Variants in SRBD1 observed in about 807,000 individuals in gnomAD.
SRBD1 encodes S1 RNA binding domain 1.
Under a neutral mutation model 115.3 loss-of-function variants are expected in SRBD1, and 88 were observed. That is an observed-to-expected ratio of 0.76 (90% CI 0.64 to 0.91). The LOEUF is 0.91. Ranked by LOEUF, SRBD1 falls within the 40% of genes least tolerant of loss-of-function variation. The probability of loss-of-function intolerance (pLI) is 0.00; values close to 1 mark genes in which losing one functional copy is unlikely to be tolerated. For missense variants in SRBD1, 1,385 were observed against 1,177.4 expected (o/e 1.18, Z -2.58); for synonymous variants, 509 against 407.7 (o/e 1.25, Z -2.99).
At chr2:45,539,605 A>G (rs1009614989) in intron 14 of SRBD1, among the ~76,000 whole-genome samples, 3 of 152,222 alleles carry the variant, frequency 2.0e-5, no homozygotes, top group Non-Finnish European at 2.9e-5. Flanking sequence ...ATATGGAACT[A>G]TAAGCCATCT....
intron 15 of SRBD1, among the ~76,000 whole-genome samples, chr2:45,477,926 T>G (rs907753676): frequency 6.6e-6 from 1 of 151,980 alleles, no homozygotes; most frequent in Admixed American, 6.6e-5. Flanking sequence ...AAACATTCCT[T>G]TAACTGTGTC....
intron 19 of SRBD1, among the ~76,000 whole-genome samples, chr2:45,396,986 C>G (rs150490666): frequency 1.3e-5 from 2 of 152,234 alleles, no homozygotes; most frequent in Non-Finnish European, 2.9e-5. Context: ...CAAAGTACAT[C>G]TAATAGTCTA....
intron 16 of SRBD1, among the ~76,000 whole-genome samples, chr2:45,449,719 T>C (rs967785767): frequency 2.0e-5 from 3 of 152,222 alleles, no homozygotes; most frequent in Admixed American, 1.3e-4. Flanking sequence ...TCAGAGGGCA[T>C]ACTGTGTAGC....
At chr2:45,485,577 G>C (rs1013833722) in intron 15 of SRBD1, among the ~76,000 whole-genome samples, 1 of 152,156 alleles carries the variant, frequency 6.6e-6, no homozygotes, top group Non-Finnish European at 1.5e-5. Context: ...ACCATGCATT[G>C]TGGGGGAATA....
intron 14 of SRBD1, among the ~76,000 whole-genome samples, chr2:45,505,313 C>G (rs1670764951): frequency 1.3e-5 from 2 of 152,178 alleles, no homozygotes; most frequent in South Asian, 4.1e-4. Context: ...GTGGTCATGT[C>G]AGAGCCACAA....
chr2:45,463,989 A>G (rs1010882007), intron 16 of SRBD1, among the ~76,000 whole-genome samples: 15 of 152,308 alleles, frequency 9.8e-5, no homozygotes, highest in African/African-American at 3.6e-4. Flanking sequence ...TTGGATAAAG[A>G]TATTACACTT....
rs182891429 is a variant in SRBD1 at position 45,528,584 on chromosome 2, T to C, written c.1874+18148A>G. Among the ~76,000 whole-genome samples, 10 of 151,996 alleles carry C rather than the reference T, an allele frequency of 6.6e-5. No individual in the cohort carries two copies. In the East Asian group the frequency reaches 1.9e-3, roughly 29 times the overall value. On this transcript the variant is annotated intron_variant, in intron 14 of 20. Transcript: ENST00000263736. ...GGTACCAGAGGGGTACTCTAGAGAC[T>C]AGCATAAGCCACTGAATCTGAGTCC... is the stretch of plus-strand genomic sequence containing the variant.
intron 14 of SRBD1, among the ~76,000 whole-genome samples, chr2:45,492,430 G>GT (rs1467982640): frequency 2.0e-5 from 3 of 151,860 alleles, no homozygotes; most frequent in Non-Finnish European, 4.4e-5. Context: ...GAAAAACTAG[G>GT]TTTTTTCTGT....
chr2:45,590,883 G>C (rs922884665), intron 4 of SRBD1, among the ~76,000 whole-genome samples: 1 of 152,132 alleles, frequency 6.6e-6, no homozygotes, highest in Non-Finnish European at 1.5e-5. Context: ...TGGGCATGGT[G>C]GTATGCGCCT....
chr2:45,531,640 AAAT>A lies in SRBD1; in HGVS notation c.1874+15089_1874+15091del, dbSNP rs540055426. ...TTTTCTTAAGTTGGGAGAAACAGCC[AAAT>A]AATATTTATGAAACAAAGAAGTAAC... On this transcript the variant is annotated intron_variant, in intron 14 of 20. Transcript: ENST00000263736. 1.3e-3 allele frequency among the ~76,000 whole-genome samples: 192 copies of A among 151,948 alleles called. 2 individuals are homozygous for A. The highest frequency in any genetic ancestry group is 2.0e-3 in the Non-Finnish European group (136 of 67,854).
chr2:45,437,357 T>A (rs1421092909), intron 16 of SRBD1, among the ~76,000 whole-genome samples: 13 of 133,972 alleles, frequency 9.7e-5, no homozygotes, highest in Non-Finnish European at 1.1e-4. Context: ...AGTATTGGTT[T>A]AAAAAAAAAA....
chr2:45,421,004 A>G (rs967950546), intron 16 of SRBD1, among the ~76,000 whole-genome samples: 6 of 152,232 alleles, frequency 3.9e-5, no homozygotes, highest in Non-Finnish European at 7.3e-5. Context: ...CATTTTGGAC[A>G]GTGACAAAAC....
intron 4 of SRBD1, among the ~76,000 whole-genome samples, chr2:45,597,792 T>C (rs1465711574): frequency 6.6e-6 from 1 of 152,196 alleles, no homozygotes; most frequent in Non-Finnish European, 1.5e-5. Context: ...ACTTGTAACC[T>C]AGAGACAAAA....
intron 14 of SRBD1, among the ~76,000 whole-genome samples, chr2:45,539,976 G>C (rs965473075): frequency 4.6e-5 from 7 of 152,072 alleles, no homozygotes; most frequent in African/African-American, 1.7e-4. Flanking sequence ...AATATAGCCA[G>C]GAAAAAAGTG....
At chr2:45,436,686 T>C (rs1668509594) in intron 16 of SRBD1, among the ~76,000 whole-genome samples, 1 of 152,170 alleles carries the variant, frequency 6.6e-6, no homozygotes, top group South Asian at 2.1e-4. Context: ...TTACTCACTA[T>C]GAGGAGAACA....
At chr2:45,405,535 G>C (rs192261001) in intron 19 of SRBD1, among the ~76,000 whole-genome samples, 26 of 152,264 alleles carry the variant, frequency 1.7e-4, no homozygotes, top group Admixed American at 7.2e-4. Context: ...TTAAGACATA[G>C]GATTTGAATT....
intron 4 of SRBD1, among the ~76,000 whole-genome samples, chr2:45,594,988 A>T (rs1279619467): frequency 6.6e-6 from 1 of 152,208 alleles, no homozygotes; most frequent in Non-Finnish European, 1.5e-5. Flanking sequence ...CAAGGAAAGC[A>T]ATCCACTTTC....
At chr2:45,441,801 T>C (rs1668677803) in intron 16 of SRBD1, among the ~76,000 whole-genome samples, 1 of 152,210 alleles carries the variant, frequency 6.6e-6, no homozygotes, top group African/African-American at 2.4e-5. Context: ...AAACGCTTTC[T>C]TAGCAGGCAT....
chr2:45,393,759 A>G (rs1206941422), intron 19 of SRBD1, among the ~76,000 whole-genome samples: 2 of 152,214 alleles, frequency 1.3e-5, no homozygotes, highest in African/African-American at 4.8e-5. Context: ...GTTCCCTACA[A>G]TTTCAATTAG....
Sources: allele counts gnomAD v4.1 joint callset (sites outside exome capture counted in the v4.1 genomes callset), GRCh38; gene constraint gnomAD v4.1.1; transcripts MANE v1.5; gene names NCBI Gene and HGNC (gene_info 2026-07-23, HGNC 2026-07-21).